GPR39: variants seen among roughly 807,000 people sequenced by gnomAD.
The protein encoded by GPR39 is zinc sensing receptor.
GPR39 carries 23 observed loss-of-function variants against 18.4 expected under a neutral mutation model. The ratio of observed to expected loss-of-function variants is 1.25; its 90% CI spans 0.90 to 1.77. The LOEUF (loss-of-function observed/expected upper bound fraction) is 1.77, where lower values mean the gene tolerates loss of function less well. GPR39 is among the 40% of genes most tolerant of loss of function. The pLI is 0.00. For synonymous variants in GPR39, 280 were observed against 257.9 expected (o/e 1.09, Z -0.82); for missense variants, 647 against 602.4 (o/e 1.07, Z -0.78).
At chr2:132,445,740 A>G (rs533703506) in intron 1 of GPR39, among the ~76,000 whole-genome samples, 10 of 152,328 alleles carry the variant, frequency 6.6e-5, no homozygotes, top group African/African-American at 2.4e-4. Context: ...TAGCTCTCCA[A>G]TACAATGCTG....
chr2:132,599,786 G>A (rs112171930), intron 1 of GPR39, among the ~76,000 whole-genome samples: 27 of 152,274 alleles, frequency 1.8e-4, no homozygotes, highest in Middle Eastern at 3.4e-3. Context: ...CGTGTCAGCA[G>A]ACCATTCAAG....
At chr2:132,542,523 C>T (rs1403451619) in intron 1 of GPR39, among the ~76,000 whole-genome samples, 3 of 152,140 alleles carry the variant, frequency 2.0e-5, no homozygotes, top group East Asian at 1.9e-4. Flanking sequence ...AATGCAAGGT[C>T]AAGGAGAACC....
intron 1 of GPR39, among the ~76,000 whole-genome samples, chr2:132,637,906 C>A (rs1053730647): frequency 6.6e-6 from 1 of 151,986 alleles, no homozygotes; most frequent in Non-Finnish European, 1.5e-5. Context: ...CAAGATGATC[C>A]GAATAAATAA....
intron 1 of GPR39, among the ~76,000 whole-genome samples, chr2:132,421,484 ACAT>A (rs1486697991): frequency 1.3e-5 from 2 of 152,356 alleles, no homozygotes; most frequent in Admixed American, 1.3e-4. Context: ...AATAAAAGAA[ACAT>A]CATAGAAGAT....
chr2:132,602,438 C>CT (rs1681059778), intron 1 of GPR39, among the ~76,000 whole-genome samples: 1 of 152,082 alleles, frequency 6.6e-6, no homozygotes, highest in South Asian at 2.1e-4. Flanking sequence ...TATAAAACTA[C>CT]TAGAAGAACA....
chr2:132,615,916 T>A (rs1177349057), intron 1 of GPR39, among the ~76,000 whole-genome samples: 1 of 148,794 alleles, frequency 6.7e-6, no homozygotes, highest in Non-Finnish European at 1.5e-5. Context: ...ACACCTGGCT[T>A]GTCTCACCCC....
rs184659470 is a variant in GPR39, at chr2:132,604,077, G to A, written c.857-41024G>A. 8.5e-5 allele frequency among the ~76,000 whole-genome samples: 13 copies of A among 152,146 alleles called. No homozygotes were observed. The East Asian group carries it at 1.7e-3, about 20-fold the overall frequency. On this transcript the variant is annotated intron_variant, in intron 1 of 1. Coordinates refer to ENST00000329321, the MANE Select transcript of GPR39 (RefSeq NM_001508.3). ...ACCTCCAAGATCCTTTTCCTTAACCGAGACATGCTTGCCCTACTGTGAGTC... is the reference window on the plus strand; with the variant it reads ...ACCTCCAAGATCCTTTTCCTTAACCAAGACATGCTTGCCCTACTGTGAGTC...
chr2:132,423,748 T>G (rs1292591250), intron 1 of GPR39, among the ~76,000 whole-genome samples: 3 of 152,206 alleles, frequency 2.0e-5, no homozygotes, highest in African/African-American at 7.2e-5. Context: ...CATTTTACAT[T>G]TAATTGTGCA....
chr2:132,439,596 A>G lies in GPR39; in HGVS notation c.856+21698A>G, dbSNP rs148810229. Among the ~76,000 whole-genome samples the G allele has an allele frequency of 3.2e-3, 490 of 152,346 alleles. 2 individuals carry two copies. The highest frequency in any genetic ancestry group is 0.011 in the African/African-American group (463 of 41,598). ...GGAGTACCCTGATTGAATGCCTTCC[A>G]GAAAAAGGATTGTTTTGAGAGAAAC... On this transcript the variant is annotated intron_variant, in intron 1 of 1. Transcript: ENST00000329321.
intron 1 of GPR39, among the ~76,000 whole-genome samples, chr2:132,486,332 C>T (rs960754332): frequency 3.3e-5 from 5 of 152,196 alleles, no homozygotes; most frequent in African/African-American, 1.2e-4. Context: ...CTTAAAATTA[C>T]CAGCTGCAGC....
intron 1 of GPR39, among the ~76,000 whole-genome samples, chr2:132,639,370 G>A (rs1193127770): frequency 6.6e-6 from 1 of 152,132 alleles, no homozygotes; most frequent in Non-Finnish European, 1.5e-5. Context: ...CAGGCAGGAG[G>A]AGGACAGAGC....
At chr2:132,494,609 C>T (rs1038399197) in intron 1 of GPR39, among the ~76,000 whole-genome samples, 3 of 152,092 alleles carry the variant, frequency 2.0e-5, no homozygotes, top group Admixed American at 1.3e-4. Flanking sequence ...TTTATGTTTC[C>T]CTCTGATTAT....
intron 1 of GPR39, among the ~76,000 whole-genome samples, chr2:132,424,199 T>A: frequency 6.6e-6 from 1 of 152,224 alleles, no homozygotes; most frequent in East Asian, 1.9e-4. Context: ...TGAATGGTCC[T>A]TGTTAAAATC....
At chr2:132,576,708 T>A (rs532780577) in intron 1 of GPR39, among the ~76,000 whole-genome samples, 4 of 152,280 alleles carry the variant, frequency 2.6e-5, no homozygotes, top group East Asian at 3.9e-4. Context: ...GAACATTTTT[T>A]AAATTTTTTT....
At chr2:132,636,590 C>T (rs1467030143) in intron 1 of GPR39, among the ~76,000 whole-genome samples, 2 of 152,226 alleles carry the variant, frequency 1.3e-5, no homozygotes, top group Admixed American at 1.3e-4. Flanking sequence ...GCCTGGGAAG[C>T]CCCACGTTTG....
intron 1 of GPR39, among the ~76,000 whole-genome samples, chr2:132,614,221 T>C (rs569688103): frequency 1.3e-4 from 19 of 151,136 alleles, no homozygotes; most frequent in Non-Finnish European, 2.7e-4. Flanking sequence ...TTTTTGTTTT[T>C]ATTTTGACAG....
intron 1 of GPR39, among the ~76,000 whole-genome samples, chr2:132,628,605 GT>G (rs1289657545): frequency 4.6e-5 from 7 of 152,106 alleles, no homozygotes; most frequent in African/African-American, 1.7e-4. Flanking sequence ...GAGGATAACT[GT>G]TTTTTCTCCT....
chr2:132,503,223 T>TCAAGGGCTG (rs1558818843), intron 1 of GPR39, among the ~76,000 whole-genome samples: 1 of 152,190 alleles, frequency 6.6e-6, no homozygotes, highest in Non-Finnish European at 1.5e-5. Context: ...GATCTTGGAT[T>TCAAGGGCTG]CAAGGGCTGC....
chr2:132,599,918 C>T (rs1197345642), intron 1 of GPR39, among the ~76,000 whole-genome samples: 1 of 152,148 alleles, frequency 6.6e-6, no homozygotes, highest in East Asian at 1.9e-4. Context: ...CACAGATCTG[C>T]TCATGGATGA....
Sources: gnomAD v4.1 joint callset for allele counts (sites outside exome capture counted in the v4.1 genomes callset) on GRCh38, gnomAD v4.1.1 for gene constraint, MANE v1.5 for transcripts, NCBI Gene and HGNC (gene_info 2026-07-23, HGNC 2026-07-21) for gene names.